Variants in NRG1 observed in about 807,000 individuals in gnomAD.
The protein encoded by NRG1 is pro-neuregulin-1, membrane-bound isoform.
Under a neutral mutation model 63.8 loss-of-function variants are expected in NRG1, and 18 were observed. That is an observed-to-expected ratio of 0.28 (90% CI 0.19 to 0.42). The LOEUF is 0.42. Among genes scored for constraint, NRG1 ranks in the 10% least tolerant of loss-of-function variants. The pLI is 1.00. For missense variants in NRG1, 762 were observed against 814.7 expected, an observed-to-expected ratio of 0.94 and a Z score of 0.79; for synonymous variants, 302 against 301.3, an observed-to-expected ratio of 1.00 and a Z score of -0.02.
At chr8:31,842,705 C>CT (rs1826306450) in intron 1 of NRG1, among the ~76,000 whole-genome samples, 1 of 152,196 alleles carries the variant, frequency 6.6e-6, no homozygotes, top group Non-Finnish European at 1.5e-5. Flanking sequence ...TCCATAGCAT[C>CT]TAACTCAATA....
exon 12 of NRG1, chr8:32,766,331 C>T (rs1427432095): frequency 2.0e-5 from 3 of 152,138 alleles, no homozygotes; most frequent in Non-Finnish European, 4.4e-5. Flanking sequence ...TTTCTCTGTG[C>T]ACAGTGGTAT....
At chr8:31,947,104 T>G (rs1282670774) in intron 1 of NRG1, among the ~76,000 whole-genome samples, 1 of 151,476 alleles carries the variant, frequency 6.6e-6, no homozygotes. Context: ...ATCGAGACCA[T>G]CCTGGCTAAC....
At chr8:32,187,541 T>C (rs1228820445) in intron 1 of NRG1, among the ~76,000 whole-genome samples, 1 of 152,156 alleles carries the variant, frequency 6.6e-6, no homozygotes, top group Non-Finnish European at 1.5e-5. Context: ...CCTCCATAAG[T>C]CTCACTGGAG....
chr8:32,052,297 A>T (rs1193599084), intron 1 of NRG1, among the ~76,000 whole-genome samples: 3 of 138,996 alleles, frequency 2.2e-5, no homozygotes, highest in Non-Finnish European at 3.1e-5. Context: ...TTTTTTTGAA[A>T]CAAGATCTTG....
chr8:32,283,041 C>T (rs1178398778), intron 1 of NRG1, among the ~76,000 whole-genome samples: 1 of 152,064 alleles, frequency 6.6e-6, no homozygotes, highest in African/African-American at 2.4e-5. Flanking sequence ...GAATTGAGTC[C>T]TTAGAAGAAA....
intron 1 of NRG1, among the ~76,000 whole-genome samples, chr8:32,326,207 A>G (rs772546557): frequency 2.7e-5 from 4 of 150,824 alleles, no homozygotes; most frequent in Non-Finnish European, 5.9e-5. Context: ...ACAGGGTTTC[A>G]CCATGTTGGT....
rs537860966 is a variant in NRG1, at chr8:32,089,768, T to A, written c.37+450337T>A. Among the ~76,000 whole-genome samples, 67 of 152,320 alleles carry A rather than the reference T, an allele frequency of 4.4e-4. 2 individuals are homozygous for A. In the South Asian group the frequency reaches 0.013, roughly 30 times the overall value. On this transcript the variant is annotated intron_variant, in intron 1 of 10. Transcript: ENST00000519301. ...TTGGTTATAGGTGGGAGGAGCCTAT[T>A]ACTTTTGGTGAGGACACATATAGGT... is the stretch of plus-strand genomic sequence containing the variant.
At chr8:32,564,753 T>C (rs960551528) in intron 1 of NRG1, among the ~76,000 whole-genome samples, 1 of 152,306 alleles carries the variant, frequency 6.6e-6, no homozygotes, top group East Asian at 1.9e-4. Flanking sequence ...CTTTCTTCTC[T>C]GGAGGCTTTG....
At chr8:31,875,236 A>G (rs759969506) in intron 1 of NRG1, among the ~76,000 whole-genome samples, 10 of 152,194 alleles carry the variant, frequency 6.6e-5, no homozygotes, top group Non-Finnish European at 1.2e-4. Context: ...GACCCAAGGC[A>G]TGCTTTGAGT....
chr8:31,947,560 G>A (rs1035362178), intron 1 of NRG1, among the ~76,000 whole-genome samples: 1 of 151,938 alleles, frequency 6.6e-6, no homozygotes, highest in African/African-American at 2.4e-5. Context: ...CCCTTTGTTT[G>A]CCTATTAGAT....
intron 2 of NRG1, among the ~76,000 whole-genome samples, chr8:32,605,098 T>C (rs2129539389): frequency 6.6e-6 from 1 of 152,156 alleles, no homozygotes. Flanking sequence ...AGAAGAAGAG[T>C]GCACAGTATT....
intron 1 of NRG1, among the ~76,000 whole-genome samples, chr8:32,589,794 TCAAAA>T (rs1245033485): frequency 1.3e-5 from 2 of 152,222 alleles, no homozygotes; most frequent in Non-Finnish European, 2.9e-5. Context: ...CAGTAGATGA[TCAAAA>T]CAAGAGGATT....
chr8:32,049,998 T>C (rs1337490153), intron 1 of NRG1, among the ~76,000 whole-genome samples: 1 of 152,048 alleles, frequency 6.6e-6, no homozygotes, highest in East Asian at 1.9e-4. Flanking sequence ...TTCATAGAAA[T>C]AGAGGAAGAA....
chr8:32,204,984 T>C (rs1843879483), intron 1 of NRG1, among the ~76,000 whole-genome samples: 1 of 152,148 alleles, frequency 6.6e-6, no homozygotes. Context: ...ACAAATTAAG[T>C]AACTAATTAA....
intron 1 of NRG1, among the ~76,000 whole-genome samples, chr8:32,472,482 T>A (rs1169007242): frequency 1.3e-5 from 2 of 152,220 alleles, no homozygotes; most frequent in African/African-American, 4.8e-5. Flanking sequence ...TGGCCTTTAT[T>A]CTTTATTTTC....
chr8:32,052,967 T>G (rs2130826236), intron 1 of NRG1, among the ~76,000 whole-genome samples: 1 of 152,314 alleles, frequency 6.6e-6, no homozygotes, highest in Admixed American at 6.5e-5. Context: ...TTAGCTATAC[T>G]GTGTCTCCTA....
chr8:32,158,448 G>GATATATATATAT lies in NRG1; in HGVS notation c.38-437367_38-437356dup, dbSNP rs36087607. Among the ~76,000 whole-genome samples the GATATATATATAT allele has an allele frequency of 7.7e-3, 481 of 62,156 alleles. 49 individuals carry two copies. The highest frequency in any genetic ancestry group is 0.011 in the South Asian group (16 of 1,410). 40.8% of individuals were successfully genotyped at this position (62,156 alleles called of 152,430 possible). On this transcript the variant is annotated intron_variant, in intron 1 of 10. Transcript: ENST00000519301. ...TCGTTTCTCTTTGTTTGGTTTACAT[G>GATATATATATAT]ATATATATATATATATATATATATC... is the stretch of plus-strand genomic sequence containing the variant.
chr8:32,154,540 TTTCCTTCC>T (rs1319575834), intron 1 of NRG1, among the ~76,000 whole-genome samples: 1 of 152,056 alleles, frequency 6.6e-6, no homozygotes, highest in South Asian at 2.1e-4. Context: ...CTCTCTTTAT[TTTCCTTCC>T]TTCCTTCCTC....
intron 1 of NRG1, among the ~76,000 whole-genome samples, chr8:32,171,169 GA>G (rs1199173078): frequency 1.3e-5 from 2 of 151,874 alleles, no homozygotes; most frequent in Non-Finnish European, 2.9e-5. Context: ...TTTTTAGGAA[GA>G]AAAAAACATG....
Sources: gnomAD v4.1 joint callset for allele counts (sites outside exome capture counted in the v4.1 genomes callset) on GRCh38, gnomAD v4.1.1 for gene constraint, MANE v1.5 for transcripts, NCBI Gene and HGNC (gene_info 2026-07-23, HGNC 2026-07-21) for gene names.